RDX: variants seen among roughly 807,000 people sequenced by gnomAD.
The protein encoded by RDX is deafness, autosomal recessive 24.
In RDX, 32 loss-of-function variants were observed where a neutral mutation model predicts 83.7. That is an observed-to-expected ratio of 0.38 (90% CI 0.29 to 0.51). RDX has a LOEUF of 0.51. Among genes scored for constraint, RDX ranks in the 20% least tolerant of loss-of-function variants. The pLI is 0.87. For synonymous variants in RDX, 229 were observed against 222.7 expected, an observed-to-expected ratio of 1.03 and a Z score of -0.25; for missense variants, 600 against 689.9, an observed-to-expected ratio of 0.87 and a Z score of 1.46.
In RDX at chr11:110,280,407, C is replaced by A. The variant is rs371696638; in HGVS notation, c.-64-651G>T. ...CATGAGCACGTGCCAACATGCCCAG[C>A]TAGTTTTTTTATTTTATTTTTTTGT... On this transcript the variant is annotated intron_variant, in intron 1 of 13. Transcript: ENST00000645495. Among the ~76,000 whole-genome samples the A allele has an allele frequency of 1.2e-4, 18 of 152,090 alleles. 1 individual carries two copies. Among genetic ancestry groups the A allele is most frequent in the Admixed American group, 8.5e-4 (13 of 15,274 alleles).
chr11:110,192,444 A>G (rs929950186), intron 15 of RDX, among the ~76,000 whole-genome samples: 8 of 152,154 alleles, frequency 5.3e-5, no homozygotes, highest in Non-Finnish European at 1.2e-4. Flanking sequence ...CTAGAAGAAA[A>G]CCTGGCCCTA....
At chr11:110,209,433 G>A (rs1863739346) in intron 14 of RDX, among the ~76,000 whole-genome samples, 1 of 152,256 alleles carries the variant, frequency 6.6e-6, no homozygotes, top group South Asian at 2.1e-4. Flanking sequence ...CCATTGCCCA[G>A]GCTTGATTAG....
intron 3 of RDX, among the ~76,000 whole-genome samples, chr11:110,270,551 T>C (rs577260446): frequency 4.9e-4 from 74 of 152,324 alleles, no homozygotes; most frequent in South Asian, 2.1e-4. Flanking sequence ...GCACTTTACA[T>C]AGATTTTCAT....
intron 1 of RDX, among the ~76,000 whole-genome samples, chr11:110,291,866 C>G (rs1861257080): frequency 6.6e-6 from 1 of 152,202 alleles, no homozygotes; most frequent in Non-Finnish European, 1.5e-5. Flanking sequence ...TGGTGGCTCA[C>G]ACCTGTAATC....
chr11:110,224,277 T>C (rs1260782714), intron 14 of RDX, among the ~76,000 whole-genome samples: 1 of 151,900 alleles, frequency 6.6e-6, no homozygotes, highest in Non-Finnish European at 1.5e-5. Context: ...AGCCAGTACA[T>C]TATGACGGTC....
rs1217009958 is a variant in RDX at position 110,204,586 on chromosome 11, G to A, written c.1749-4908C>T. Among the ~76,000 whole-genome samples, 4 of 139,982 alleles carry A rather than the reference G, an allele frequency of 2.9e-5. No individual in the cohort carries two copies. The South Asian group carries it at 6.7e-4, about 23-fold the overall frequency. 91.8% of individuals were successfully genotyped at this position (139,982 alleles called of 152,430 possible). On this transcript the variant is annotated intron_variant, in intron 14 of 15. Coordinates refer to the RDX transcript ENST00000528498. ...GGCTGGAGTGCAATGGCGCAAACTC[G>A]GCTCACTGCAACTTCCGCCTCCCGG... is the stretch of plus-strand genomic sequence containing the variant.
intron 14 of RDX, among the ~76,000 whole-genome samples, chr11:110,221,658 T>A (rs1334629682): frequency 7.0e-6 from 1 of 142,922 alleles, no homozygotes; most frequent in Non-Finnish European, 1.5e-5. Flanking sequence ...AGATCAAAGT[T>A]TATAGGCACA....
At position 110,245,351 on chromosome 11, in the gene RDX, T is replaced by C. The variant is rs187277875; in HGVS notation, c.1090+2352A>G. 2.5e-3 allele frequency among the ~76,000 whole-genome samples: 383 copies of C among 152,298 alleles called. 4 individuals are homozygous for C. Among genetic ancestry groups the C allele is most frequent in the Non-Finnish European group, 4.5e-3 (307 of 68,018 alleles). ...GGAGGCCAAATGCAGGAGAATCACT[T>C]GAGCCCAGGAGTTTGAGGCTACAGT... is the stretch of plus-strand genomic sequence containing the variant. On this transcript the variant is annotated intron_variant, in intron 10 of 13. Transcript: ENST00000645495.
At chr11:110,188,282 G>T (rs1393901645) in intron 15 of RDX, among the ~76,000 whole-genome samples, 1 of 147,752 alleles carries the variant, frequency 6.8e-6, no homozygotes, top group Non-Finnish European at 1.5e-5. Context: ...CAACAAGAGC[G>T]AGACTCTGTC....
chr11:110,284,000 G>A lies in RDX; in HGVS notation c.-64-4244C>T, dbSNP rs183701342. 1.5e-3 allele frequency among the ~76,000 whole-genome samples: 232 copies of A among 151,862 alleles called. 3 individuals carry two copies. The highest frequency in any genetic ancestry group is 5.2e-3 in the African/African-American group (214 of 41,448). ...AAGAAACTTCACCAACAAAACTTAC[G>A]TTAAAAAAAACACACAAATGTTCTA... On this transcript the variant is annotated intron_variant, in intron 1 of 13. Transcript: ENST00000645495.
intron 1 of RDX, among the ~76,000 whole-genome samples, chr11:110,287,975 T>C (rs913166360): frequency 4.6e-5 from 7 of 152,222 alleles, no homozygotes; most frequent in Non-Finnish European, 8.8e-5. Flanking sequence ...TTTCAAGAAG[T>C]AGGCTATTAA....
intron 9 of RDX, among the ~76,000 whole-genome samples, chr11:110,249,211 G>C (rs1276871884): frequency 6.6e-6 from 1 of 152,240 alleles, no homozygotes; most frequent in Admixed American, 6.5e-5. Context: ...TTAAAAATCA[G>C]TTATGATTTC....
rs536238671 is a variant in RDX at position 110,285,627 on chromosome 11, C to T, written c.-64-5871G>A. ...ACTCAGGAGGCTGAGGCAGGAGAAT[C>T]GCTTGAATCCAGGAGGCAGAGGCTG... On this transcript the variant is annotated intron_variant, in intron 1 of 13. Coordinates refer to ENST00000645495, the MANE Select transcript of RDX (RefSeq NM_002906.4). 2.0e-4 allele frequency among the ~76,000 whole-genome samples: 29 copies of T among 147,106 alleles called. No individual in the cohort carries two copies. The South Asian group carries it at 6.4e-3, about 32-fold the overall frequency.
chr11:110,223,752 T>G (rs1269463986), intron 14 of RDX, among the ~76,000 whole-genome samples: 1 of 152,140 alleles, frequency 6.6e-6, no homozygotes. Flanking sequence ...ATGAGCATAA[T>G]CAACTACAGT....
chr11:110,259,497 C>A (rs1172581176), intron 5 of RDX, among the ~76,000 whole-genome samples: 1 of 152,196 alleles, frequency 6.6e-6, no homozygotes, highest in East Asian at 1.9e-4. Flanking sequence ...ATGATAAAAT[C>A]TCCCCCTGGA....
chr11:110,247,773 T>C lies in RDX; in HGVS notation c.1020A>G (p.Ile340Met), dbSNP rs1472479600. ...REIAEKEKERIEREKEELMER... is the reference protein window; with the variant it reads ...REIAEKEKERMEREKEELMER... ...CCATTAGCTCTTCCTTTTCACGTTC[T>C]ATTCTTTCCTTTTCCTTTTCTGCTA... The change falls in exon 10 of 14, where the codon ATA becomes ATG. Residue 340 changes from isoleucine to methionine, a missense_variant. By Grantham distance (10) the Ile-to-Met change is conservative. Transcript: ENST00000645495. The C allele has an allele frequency of 1.4e-5, 23 of 1,607,324 alleles. No homozygotes were observed. Among genetic ancestry groups the C allele is most frequent in the Non-Finnish European group, 1.5e-5 (18 of 1,176,744 alleles).
intron 1 of RDX, among the ~76,000 whole-genome samples, chr11:110,293,620 G>C (rs1861330646): frequency 6.6e-6 from 1 of 152,118 alleles, no homozygotes; most frequent in East Asian, 1.9e-4. Flanking sequence ...AATCTTTTAA[G>C]GGTAGAGTCC....
chr11:110,267,560 ACACAC>A (rs1860104818), intron 3 of RDX, among the ~76,000 whole-genome samples: 1 of 151,016 alleles, frequency 6.6e-6, no homozygotes, highest in African/African-American at 2.4e-5. Flanking sequence ...ACACACACAC[ACACAC>A]AAATAATCTT....
At chr11:110,281,355 C>T (rs1400819989) in intron 1 of RDX, among the ~76,000 whole-genome samples, 2 of 149,532 alleles carry the variant, frequency 1.3e-5, no homozygotes, top group Admixed American at 6.7e-5. Flanking sequence ...GAGTCTCACT[C>T]TGTCGCCCAG....
Sources: gnomAD v4.1 joint callset for allele counts (sites outside exome capture counted in the v4.1 genomes callset) on GRCh38, gnomAD v4.1.1 for gene constraint, MANE v1.5 for transcripts, NCBI Gene and HGNC (gene_info 2026-07-23, HGNC 2026-07-21) for gene names.